EXOSC2: variants seen among roughly 807,000 people sequenced by gnomAD.
The protein encoded by EXOSC2 is exosome component 2, also known as exosome complex component RRP4.
Under a neutral mutation model 37.6 loss-of-function variants are expected in EXOSC2, and 29 were observed. That is an observed-to-expected ratio of 0.77 (90% CI 0.57 to 1.05). The LOEUF is 1.05. Ranked by LOEUF, EXOSC2 falls within the 50% of genes least tolerant of loss-of-function variation. The pLI is 0.00. For missense variants in EXOSC2, 346 were observed against 365.6 expected (o/e 0.95, Z 0.44); for synonymous variants, 119 against 131.1 (o/e 0.91, Z 0.63).
intron 5 of EXOSC2, among the ~76,000 whole-genome samples, chr9:130,700,252 C>T (rs1314000267): frequency 1.3e-5 from 2 of 152,066 alleles, no homozygotes; most frequent in Non-Finnish European, 2.9e-5. Context: ...CTCCTGACCT[C>T]AGGTGATCTG....
At chr9:130,697,798 G>GTTTT in intron 3 of EXOSC2, 171 bp downstream of exon 3, 3 of 521,254 alleles carry the variant, frequency 5.8e-6, no homozygotes, top group Non-Finnish European at 1.0e-5. Context: ...ACTGGTTCAT[G>GTTTT]TTTTTTTTTT....
At chr9:130,695,279 C>T (rs749542829) in intron 1 of EXOSC2, among the ~76,000 whole-genome samples, 2 of 152,142 alleles carry the variant, frequency 1.3e-5, no homozygotes, top group Non-Finnish European at 2.9e-5. Context: ...AGGCCTGCTG[C>T]AGAAAGTGAC....
chr9:130,695,418 CGTT>C lies in EXOSC2; in HGVS notation c.123-70_123-68del, dbSNP rs1161678826. The C allele has an allele frequency of 1.9e-5, 24 of 1,295,796 alleles. 1 individual carries two copies. In the Admixed American group the frequency reaches 2.0e-4, roughly 11 times the overall value. The allele number at this position is 1,295,796 out of a possible 1,614,324, so 80.3% of individuals were successfully genotyped here. A position where few individuals can be genotyped will look rare whatever the true frequency, so the allele number is the denominator to read the frequency against. On this transcript the variant is annotated intron_variant, in intron 1 of 8. Transcript: ENST00000372358. ...GGGAGCCTGTTAGCTTTGAGGAACA[CGTT>C]GTTCTTGAAGGGAGAGAAGTCATTT...
At chr9:130,700,088 C>T (rs935067896) in intron 5 of EXOSC2, among the ~76,000 whole-genome samples, 2 of 151,600 alleles carry the variant, frequency 1.3e-5, no homozygotes, top group African/African-American at 2.4e-5. Context: ...TGCAGTGGCG[C>T]GATCTCGGCT....
At position 130,695,549 on chromosome 9, in the gene EXOSC2, GGAGA is replaced by G; in HGVS notation, c.184_187del (p.Arg62Ter). 1 of 1,614,208 alleles carries G rather than the reference GGAGA, an allele frequency of 6.2e-7. No individual in the cohort carries two copies. Among genetic ancestry groups the G allele is most frequent in the Non-Finnish European group, 8.5e-7 (1 of 1,180,034 alleles). ...TCATTGCATCTGTTGCTGGCTCTGT[GGAGA>G]GAGTAAACAAGTTGATCTGTGTGAA... On this transcript the variant is annotated frameshift_variant, in exon 2 of 9. Transcript: ENST00000372358. LOFTEE classifies it high-confidence loss of function.
intron 2 of EXOSC2, 142 bp downstream of exon 2, chr9:130,695,735 G>A (rs1588196089): frequency 2.9e-6 from 2 of 697,910 alleles, no homozygotes; most frequent in East Asian, 2.7e-5. Flanking sequence ...GACTGTAGGT[G>A]GGGTGGTGCA....
chr9:130,703,329 T>C, intron 8 of EXOSC2, 148 bp downstream of exon 8: 1 of 931,682 alleles, frequency 1.1e-6, no homozygotes. Flanking sequence ...GTCTGGTAGA[T>C]CTTTCCCTAA....
At chr9:130,701,504 C>T in intron 6 of EXOSC2, 3 of 723,234 alleles carry the variant, frequency 4.1e-6, no homozygotes, top group East Asian at 1.3e-4. Flanking sequence ...TCTGGGTGAA[C>T]GTTTTTATTT....
At chr9:130,699,556 A>G (rs1831167298) in intron 5 of EXOSC2, 162 bp downstream of exon 5, 1 of 716,318 alleles carries the variant, frequency 1.4e-6, no homozygotes, top group Non-Finnish European at 2.4e-6. Context: ...AGTCTCCTTA[A>G]TTCAGGCTGA....
chr9:130,697,791 G>T, intron 3 of EXOSC2, 164 bp downstream of exon 3: 1 of 672,406 alleles, frequency 1.5e-6, no homozygotes, highest in East Asian at 2.8e-5. Flanking sequence ...TCAGATTACT[G>T]GTTCATGTTT....
At chr9:130,701,545 T>G in intron 6 of EXOSC2, 6 of 980,428 alleles carry the variant, frequency 6.1e-6, no homozygotes, top group Non-Finnish European at 7.3e-6. Flanking sequence ...CTTCCCTTAA[T>G]GGAGTGGCTG....
At chr9:130,695,843 A>G (rs1442503990) in intron 2 of EXOSC2, among the ~76,000 whole-genome samples, 1 of 146,104 alleles carries the variant, frequency 6.8e-6, no homozygotes, top group African/African-American at 2.6e-5. Context: ...GGCCTACTTC[A>G]TAGGATTTTC....
At position 130,698,227 on chromosome 9, in the gene EXOSC2, C is replaced by G. The variant is rs758105471; in HGVS notation, c.336C>G (p.Ser112=). 1.2e-6 allele frequency: 2 copies of G among 1,614,118 alleles called. No homozygotes were observed. The highest frequency in any genetic ancestry group is 3.3e-5 in the Admixed American group (2 of 60,010). ...SRLDSVLLLS[S]MNLPGGELRR... ...TGGATTCGGTCTTGCTGCTCTCGTC[C>G]ATGAACCTTCCTGGAGGAGAGCTGG... The change falls in exon 4 of 9, where the codon TCC becomes TCG. Residue 112 remains serine (S), a synonymous_variant. Coordinates refer to ENST00000372358, the MANE Select transcript of EXOSC2 (RefSeq NM_014285.7). The surrounding 1 kb of genome is among the most constrained non-coding windows in gnomAD (Gnocchi z 4.1).
At chr9:130,699,667 C>T in intron 5 of EXOSC2, 1 of 445,446 alleles carries the variant, frequency 2.2e-6, no homozygotes, top group South Asian at 3.0e-5. Context: ...ATGGTGTTAA[C>T]TTTTAGCGCA....
At position 130,703,160 on chromosome 9, in the gene EXOSC2, T is replaced by C. The variant is rs765412658; in HGVS notation, c.780T>C (p.Tyr260=). ...ATGATACCAGCATCCTGTACTGCTA[T>C]GAAGCATCCCTTCCACATCAGGTAC... ...MLYDTSILYC[Y]EASLPHQIKD... The change falls in exon 8 of 9, where the codon TAT becomes TAC. Residue 260 remains tyrosine (Y), a synonymous_variant. Transcript: ENST00000372358. The C allele has an allele frequency of 4.3e-6, 7 of 1,612,528 alleles. No individual in the cohort carries two copies. Among genetic ancestry groups the C allele is most frequent in the Non-Finnish European group, 5.1e-6 (6 of 1,178,810 alleles).
rs773669995 is a variant in EXOSC2 at position 130,693,856 on chromosome 9, C to G, written c.65C>G (p.Thr22Ser). The change falls in exon 1 of 9, where the codon ACT becomes AGT. Residue 22 changes from threonine to serine, a missense_variant. By Grantham distance (58) the Thr-to-Ser change is moderately conservative. Transcript: ENST00000372358. ...CTTAGCGAGAGACTGGGCCGCGACA[C>G]TAAGAAACATCTAGTGGTGCCGGGG... is the stretch of plus-strand genomic sequence containing the variant. Reference protein sequence around the residue: ...KPLSERLGRDTKKHLVVPGDT... With the variant: ...KPLSERLGRDSKKHLVVPGDT... The G allele has an allele frequency of 2.5e-6, 4 of 1,612,954 alleles. No individual in the cohort carries two copies. The highest frequency in any genetic ancestry group is 2.5e-6 in the Non-Finnish European group (3 of 1,179,196).
Position 130,698,351 on chromosome 9 carries a change from G to A in EXOSC2, c.360+100G>A. ...GAGGACTTTGATTTACACTGAGGTT[G>A]CCCCTTTGACTCCTGTTTGTCTGCT... On this transcript the variant is annotated intron_variant, in intron 4 of 8. Coordinates refer to ENST00000372358, the MANE Select transcript of EXOSC2 (RefSeq NM_014285.7). This position sits in a 1 kb window ranked among gnomAD's most constrained non-coding sequence, Gnocchi z 4.1. 4 of 1,065,946 alleles carry A rather than the reference G, an allele frequency of 3.8e-6. No individual in the cohort carries two copies. The highest frequency in any genetic ancestry group is 3.1e-4 in the Middle Eastern group (1 of 3,230). The allele number at this position is 1,065,946 out of a possible 1,614,324, so 66.0% of individuals were successfully genotyped here. A position where few individuals can be genotyped will look rare whatever the true frequency, so the allele number is the denominator to read the frequency against.
At position 130,697,575 on chromosome 9, in the gene EXOSC2, C is replaced by G; in HGVS notation, c.225-7C>G. ...GATGGATGAACCCCTTGTGTTTTGT[C>G]TTTCAGATACATTGGTGAAGTAGGA... On this transcript the variant is annotated splice_polypyrimidine_tract_variant and splice_region_variant and intron_variant, in intron 2 of 8. Transcript: ENST00000372358. 6.2e-7 allele frequency: 1 copy of G among 1,613,936 alleles called. No homozygotes were observed. Among genetic ancestry groups the G allele is most frequent in the Non-Finnish European group, 8.5e-7 (1 of 1,179,850 alleles).
chr9:130,702,589 G>GTTTGTTTGT (rs1554754898), intron 7 of EXOSC2, among the ~76,000 whole-genome samples: 26 of 151,876 alleles, frequency 1.7e-4, no homozygotes, highest in African/African-American at 5.8e-4. Flanking sequence ...TTTTTTGTTT[G>GTTTGTTTGT]TTTGTTTTGT....
Sources: gnomAD v4.1 joint callset for allele counts (sites outside exome capture counted in the v4.1 genomes callset) on GRCh38, gnomAD v4.1.1 for gene constraint, Gnocchi (gnomAD v3.1) non-coding constraint, MANE v1.5 for transcripts, NCBI Gene and HGNC (gene_info 2026-07-23, HGNC 2026-07-21) for gene names.